The following AP3B1 variants were observed in gnomAD, a reference collection of about 807,000 sequenced individuals.
AP3B1 encodes the protein adaptor related protein complex 3 subunit beta 1.
AP3B1 carries 61 observed loss-of-function variants against 132.5 expected under a neutral mutation model. The ratio of observed to expected loss-of-function variants is 0.46; its 90% CI spans 0.37 to 0.57. The LOEUF (loss-of-function observed/expected upper bound fraction) is 0.57, where lower values mean the gene tolerates loss of function less well. Among genes scored for constraint, AP3B1 ranks in the 20% least tolerant of loss-of-function variants. AP3B1 has a pLI of 0.00. For missense variants in AP3B1, 1,120 were observed against 1,289.4 expected (o/e 0.87, Z 2.01); for synonymous variants, 388 against 438.3 (o/e 0.89, Z 1.43).
chr5:78,049,253 G>A (rs1748475276), intron 22 of AP3B1, among the ~76,000 whole-genome samples: 1 of 152,124 alleles, frequency 6.6e-6, no homozygotes, highest in South Asian at 2.1e-4. Context: ...GGGCATCTTG[G>A]GGAGAAAGGT....
At chr5:78,068,594 A>G (rs1245997677) in intron 22 of AP3B1, among the ~76,000 whole-genome samples, 1 of 152,190 alleles carries the variant, frequency 6.6e-6, no homozygotes, top group Non-Finnish European at 1.5e-5. Context: ...AAGTTCTGAA[A>G]TTGAGGCAGT....
intron 26 of AP3B1, among the ~76,000 whole-genome samples, chr5:78,007,104 G>A (rs566053119): frequency 7.2e-5 from 11 of 152,068 alleles, no homozygotes; most frequent in African/African-American, 2.4e-4. Context: ...TTTAAGATTT[G>A]TAACAAACTG....
intron 22 of AP3B1, among the ~76,000 whole-genome samples, chr5:78,087,080 T>A (rs1554064224): frequency 6.6e-6 from 1 of 152,186 alleles, no homozygotes; most frequent in Non-Finnish European, 1.5e-5. Flanking sequence ...GTAGTCATGG[T>A]CAAACAGTTA....
At chr5:78,158,056 T>C (rs1743229230) in intron 13 of AP3B1, among the ~76,000 whole-genome samples, 1 of 152,244 alleles carries the variant, frequency 6.6e-6, no homozygotes, top group Non-Finnish European at 1.5e-5. Flanking sequence ...GCCTACTCTT[T>C]TTCACTGAAA....
chr5:78,181,906 T>C (rs984358517), intron 7 of AP3B1, among the ~76,000 whole-genome samples: 6 of 152,178 alleles, frequency 3.9e-5, no homozygotes, highest in Non-Finnish European at 7.4e-5. Flanking sequence ...AAGTAAATTT[T>C]TGACTATTAA....
intron 26 of AP3B1, among the ~76,000 whole-genome samples, chr5:78,005,525 G>C (rs886260106): frequency 6.6e-6 from 1 of 152,168 alleles, no homozygotes; most frequent in East Asian, 1.9e-4. Flanking sequence ...AAGAATAGGG[G>C]TATGAAAGAA....
In AP3B1 at chr5:78,129,136, C is replaced by T. The variant is rs1198042783; in HGVS notation, c.1822G>A (p.Glu608Lys). The change falls in exon 16 of 27, where the codon GAG becomes AAG. Residue 608 changes from glutamate (E) to lysine (K), a missense_variant. Glu to Lys is a moderately conservative substitution (Grantham distance 56). Coordinates refer to ENST00000255194, the MANE Select transcript of AP3B1 (RefSeq NM_003664.5). ...CTGATAATACCTTTAAAAGGAGACT[C>T]AAGCAGTGGTGCAGGCTTTTGTGCT... ...FLAQKPAPLL[E>K]SPFKDRDHFQ... is the part of the protein sequence containing the mutation. 2 of 1,612,580 alleles carry T rather than the reference C, an allele frequency of 1.2e-6. No homozygotes were observed.
At chr5:78,060,131 G>A (rs1254394101) in intron 22 of AP3B1, among the ~76,000 whole-genome samples, 1 of 152,160 alleles carries the variant, frequency 6.6e-6, no homozygotes, top group Non-Finnish European at 1.5e-5. Flanking sequence ...TGCTATTTTT[G>A]TCTAGAGTTA....
At chr5:78,194,395 G>A (rs905488547) in intron 7 of AP3B1, among the ~76,000 whole-genome samples, 1 of 152,106 alleles carries the variant, frequency 6.6e-6, no homozygotes, top group Non-Finnish European at 1.5e-5. Flanking sequence ...TATACATGTT[G>A]TTTCTATTGA....
intron 23 of AP3B1, 105 bp downstream of exon 23, chr5:78,038,938 T>C: frequency 1.4e-6 from 1 of 705,572 alleles, no homozygotes; most frequent in African/African-American, 1.8e-5. Context: ...AATACAATCA[T>C]ATTCTACTTT....
intron 13 of AP3B1, among the ~76,000 whole-genome samples, chr5:78,158,139 T>C (rs1360148445): frequency 2.0e-5 from 3 of 152,216 alleles, no homozygotes; most frequent in Non-Finnish European, 4.4e-5. Context: ...AATATATGTA[T>C]TTCAAACTGT....
intron 15 of AP3B1, among the ~76,000 whole-genome samples, chr5:78,134,727 G>A (rs1295832898): frequency 6.6e-6 from 1 of 152,076 alleles, no homozygotes; most frequent in African/African-American, 2.4e-5. Flanking sequence ...ATTTTTAGTA[G>A]AGACGGGGTT....
chr5:78,255,127 A>C (rs554209693), intron 2 of AP3B1, among the ~76,000 whole-genome samples: 2 of 152,102 alleles, frequency 1.3e-5, no homozygotes, highest in Non-Finnish European at 2.9e-5. Context: ...CAAAAAACTA[A>C]ATCATATTAC....
chr5:78,266,433 T>C (rs1016432709), intron 2 of AP3B1, among the ~76,000 whole-genome samples: 2 of 152,162 alleles, frequency 1.3e-5, no homozygotes, highest in African/African-American at 4.8e-5. Flanking sequence ...AATTAGTACT[T>C]GACTTTAATA....
intron 20 of AP3B1, among the ~76,000 whole-genome samples, chr5:78,102,155 C>T (rs1446378715): frequency 6.6e-6 from 1 of 152,002 alleles, no homozygotes; most frequent in Non-Finnish European, 1.5e-5. Context: ...CCTCTAGCCA[C>T]GAGACGGTAC....
intron 20 of AP3B1, among the ~76,000 whole-genome samples, chr5:78,105,619 T>C (rs1357324277): frequency 6.6e-6 from 1 of 152,188 alleles, no homozygotes; most frequent in Non-Finnish European, 1.5e-5. Flanking sequence ...TTACTAAAAG[T>C]AATTTTGTTA....
At chr5:78,060,434 T>C (rs769227332) in intron 22 of AP3B1, among the ~76,000 whole-genome samples, 8 of 152,248 alleles carry the variant, frequency 5.3e-5, no homozygotes, top group Non-Finnish European at 4.4e-5. Flanking sequence ...AATGTTTCTT[T>C]GTGGATATTC....
intron 1 of AP3B1, among the ~76,000 whole-genome samples, chr5:78,292,607 T>A (rs767496304): frequency 1.3e-5 from 2 of 152,172 alleles, no homozygotes; most frequent in African/African-American, 4.8e-5. Context: ...AGCAGAGAAG[T>A]ACCTGGTAAT....
chr5:78,125,334 C>A (rs1437788832), intron 17 of AP3B1, among the ~76,000 whole-genome samples: 2 of 152,014 alleles, frequency 1.3e-5, no homozygotes, highest in African/African-American at 4.8e-5. Context: ...ACTAGGTTCC[C>A]AGTCATTTTG....
Sources: gnomAD v4.1 joint callset for allele counts (sites outside exome capture counted in the v4.1 genomes callset) on GRCh38, gnomAD v4.1.1 for gene constraint, MANE v1.5 for transcripts, NCBI Gene and HGNC (gene_info 2026-07-23, HGNC 2026-07-21) for gene names.